Variants in DCDC2B observed in about 807,000 individuals in gnomAD.
DCDC2B encodes doublecortin domain-containing protein 2B.
DCDC2B carries 41 observed loss-of-function variants against 38.9 expected under a neutral mutation model. The observed-to-expected ratio is 1.05, with a 90% confidence interval of 0.82 to 1.37. DCDC2B has a LOEUF of 1.37. Ranked by LOEUF, DCDC2B falls within the 40% of genes most tolerant of loss-of-function variation. DCDC2B has a pLI of 0.00. For missense variants in DCDC2B, 453 were observed against 427.2 expected, an observed-to-expected ratio of 1.06 and a Z score of -0.53; for synonymous variants, 181 against 171.9, an observed-to-expected ratio of 1.05 and a Z score of -0.41.
At chr1:32,211,709 C>G in intron 2 of DCDC2B, 52 bp from the exon 3 acceptor site, 1 of 1,552,724 alleles carries the variant, frequency 6.4e-7, no homozygotes, top group Non-Finnish European at 8.7e-7. Flanking sequence ...TGGGCCCACC[C>G]CTAACCAAAG....
At chr1:32,211,143 T>G in intron 1 of DCDC2B, 129 bp from the exon 2 acceptor site, 12 of 847,502 alleles carry the variant, frequency 1.4e-5, no homozygotes, top group Non-Finnish European at 2.3e-5. Flanking sequence ...GTTTCTGGAC[T>G]GAGATGATTG....
chr1:32,213,500 CTAAT>C (rs1184926456), intron 6 of DCDC2B, among the ~76,000 whole-genome samples: 4 of 146,092 alleles, frequency 2.7e-5, no homozygotes, highest in East Asian at 4.0e-4. Context: ...CCACACCCGG[CTAAT>C]TTTTTTTTTT....
At chr1:32,211,727 C>A (rs534880580) in intron 2 of DCDC2B, 34 bp from the exon 3 acceptor site, 2 of 1,575,762 alleles carry the variant, frequency 1.3e-6, no homozygotes, top group Non-Finnish European at 1.7e-6. Flanking sequence ...AAGGCCCCAA[C>A]TCTCCTGATT....
rs751030874 is a variant in DCDC2B, at chr1:32,209,241, C to G, written c.148C>G (p.Pro50Ala). The stretch of plus-strand genomic sequence containing the variant: ...CGAGGTGACATCAGCTGTGCAGGCC[C>G]CACTGGCTGTGCGTGCCCTCTACAC... ...LCEVTSAVQA[P>A]LAVRALYTPC... The change falls in exon 1 of 9, where the codon CCA (proline) becomes GCA (alanine). Residue 50 changes from proline to alanine, a missense_variant. Pro to Ala is a conservative substitution (Grantham distance 27). Coordinates refer to ENST00000409358, the MANE Select transcript of DCDC2B (RefSeq NM_001099434.2). 1 of 1,613,998 alleles carries G rather than the reference C, an allele frequency of 6.2e-7. No homozygotes were observed. Among genetic ancestry groups the G allele is most frequent in the Middle Eastern group, 1.6e-4 (1 of 6,062 alleles).
chr1:32,212,458 C>T (rs1643626451), intron 4 of DCDC2B, 32 bp from the exon 5 acceptor site: 1 of 1,610,420 alleles, frequency 6.2e-7, no homozygotes, highest in Non-Finnish European at 8.5e-7. Context: ...TCGAGTCTAC[C>T]AGCCCTTATC....
intron 3 of DCDC2B, 66 bp from the exon 4 acceptor site, chr1:32,212,004 G>A (rs1643605362): frequency 1.3e-6 from 2 of 1,578,150 alleles, no homozygotes; most frequent in Non-Finnish European, 1.7e-6. Flanking sequence ...CTGGCCCTGT[G>A]CCACCCTTCC....
chr1:32,214,629 G>T, intron 6 of DCDC2B, 168 bp from the exon 7 acceptor site: 2 of 918,250 alleles, frequency 2.2e-6, no homozygotes, highest in Middle Eastern at 2.5e-4. Context: ...GATAAGTCAG[G>T]CTGGTGGGAA....
In DCDC2B at chr1:32,212,805, A is replaced by C; in HGVS notation, c.714+12A>C. The stretch of plus-strand genomic sequence containing the variant: ...CCCACAGGCAGGGGGTAGGTGACGC[A>C]GGGGACAATGAGGGGTGGGAAGAAG... On this transcript the variant is annotated intron_variant, in intron 6 of 8. Transcript: ENST00000409358. 6.2e-7 allele frequency: 1 copy of C among 1,613,178 alleles called. No homozygotes were observed. The highest frequency in any genetic ancestry group is 1.3e-5 in the African/African-American group (1 of 75,036).
rs1417810734 is a variant in DCDC2B at position 32,215,456 on chromosome 1, T to C, written c.867T>C (p.Tyr289=). ...CCTCTTTAGGAGTTATAGGAGTATA[T>C]GGAGCTCCCCACCGAAGGAAGGAGA... ...LSFPSGVIGV[Y]GAPHRRKETA... Residue 289 remains tyrosine (Y), a synonymous_variant, in exon 8 of 9, where the codon TAT becomes TAC. Transcript: ENST00000409358. The C allele has an allele frequency of 1.9e-6, 3 of 1,612,868 alleles. No homozygotes were observed. The highest frequency in any genetic ancestry group is 1.3e-5 in the African/African-American group (1 of 74,958).
In DCDC2B at chr1:32,215,470, G is replaced by T; in HGVS notation, c.881G>T (p.Arg294Leu). Residue 294 changes from arginine (R) to leucine (L), a missense_variant, in exon 8 of 9, where the codon CGA becomes CTA. Transcript: ENST00000409358. ...ATAGGAGTATATGGAGCTCCCCACCGAAGGAAGGAGACAGCGGGGGCCCTG... is the reference window on the plus strand; with the variant it reads ...ATAGGAGTATATGGAGCTCCCCACCTAAGGAAGGAGACAGCGGGGGCCCTG... ...GVIGVYGAPH[R>L]RKETAGALEV... is the part of the protein sequence containing the mutation. The T allele has an allele frequency of 1.9e-6, 3 of 1,613,438 alleles. No homozygotes were observed. The South Asian group carries it at 3.3e-5, about 18-fold the overall frequency.
rs536325561 is a variant in DCDC2B, at chr1:32,214,382, G to A, written c.715-415G>A. The stretch of plus-strand genomic sequence containing the variant: ...GTGACAGAGTTATTGAGTGGCAGGG[G>A]CCAGACCAGAATTCTCATCTGATTT... On this transcript the variant is annotated intron_variant, in intron 6 of 8. Transcript: ENST00000409358. 3.2e-4 allele frequency: 55 copies of A among 169,434 alleles called. 1 individual carries two copies. The highest frequency in any genetic ancestry group is 1.1e-3 in the Admixed American group (19 of 17,340). 10.5% of individuals were successfully genotyped at this position (169,434 alleles called of 1,614,324 possible).
intron 4 of DCDC2B, 82 bp downstream of exon 4, chr1:32,212,283 G>A (rs1643619129): frequency 1.9e-6 from 3 of 1,580,030 alleles, no homozygotes; most frequent in African/African-American, 2.7e-5. Context: ...GGATGAAGAG[G>A]CAAAAGGAAA....
chr1:32,214,856 G>A lies in DCDC2B; in HGVS notation c.774G>A (p.Lys258=). 6.2e-7 allele frequency: 1 copy of A among 1,613,968 alleles called. No homozygotes were observed. The part of the protein sequence containing the change: ...QPSPKEPDRI[K]PSAFYARPQQ... ...CTCCAAAGGAACCAGACCGAATTAAGCCATCTGCTTTCTATGCCAGACCCC... is the reference window on the plus strand; with the variant it reads ...CTCCAAAGGAACCAGACCGAATTAAACCATCTGCTTTCTATGCCAGACCCC... The change falls in exon 7 of 9, where the codon AAG becomes AAA. Residue 258 remains lysine (K), a synonymous_variant. Transcript: ENST00000409358.
rs1224889527 is a variant in DCDC2B, at chr1:32,209,233, T to C, written c.140T>C (p.Val47Ala). Residue 47 changes from valine to alanine, a missense_variant, in exon 1 of 9, where the codon GTG (valine) becomes GCG (alanine). Transcript: ENST00000409358. ...TTCCTCTGCGAGGTGACATCAGCTG[T>C]GCAGGCCCCACTGGCTGTGCGTGCC... ...EAFLCEVTSA[V>A]QAPLAVRALY... The C allele has an allele frequency of 1.2e-6, 2 of 1,614,024 alleles. No individual in the cohort carries two copies. Among genetic ancestry groups the C allele is most frequent in the East Asian group, 2.2e-5 (1 of 44,888 alleles).
intron 1 of DCDC2B, 41 bp from the exon 2 acceptor site, chr1:32,211,231 C>CAA: frequency 6.3e-7 from 1 of 1,599,068 alleles, no homozygotes; most frequent in Non-Finnish European, 8.6e-7. Flanking sequence ...ATTGAGGCCT[C>CAA]AGTCTCCACA....
chr1:32,212,178 G>A lies in DCDC2B; in HGVS notation c.504G>A (p.Lys168=), dbSNP rs970712107. The A allele has an allele frequency of 1.9e-6, 3 of 1,613,516 alleles. No individual in the cohort carries two copies. The highest frequency in any genetic ancestry group is 3.3e-5 in the Admixed American group (2 of 60,004). ...TVLKLLTEKV[K]LQSGAVCKLC... ...TGAAGCTCCTGACTGAGAAGGTCAA[G>A]TTGCAGAGTGGGGCTGTGTGCAAGT... The change falls in exon 4 of 9, where the codon AAG becomes AAA. Residue 168 remains lysine (K), a synonymous_variant. Coordinates refer to ENST00000409358, the MANE Select transcript of DCDC2B (RefSeq NM_001099434.2).
chr1:32,214,025 G>C (rs1433419843), intron 6 of DCDC2B, among the ~76,000 whole-genome samples: 1 of 151,856 alleles, frequency 6.6e-6, no homozygotes, highest in East Asian at 2.0e-4. Context: ...AAAGTGAAGT[G>C]GGCCTTGGGC....
chr1:32,212,756 A>C lies in DCDC2B; in HGVS notation c.677A>C (p.Gln226Pro), dbSNP rs1358995487. Residue 226 changes from glutamine (Q) to proline (P), a missense_variant and splice_region_variant, in exon 6 of 9, where the codon CAA (glutamine) becomes CCA (proline). Transcript: ENST00000409358. ...AGCCTTTCCTTTTGTCATTGTAGGCAACCTCCAGGCTCGAAGTCTAGGCCC... is the reference window on the plus strand; with the variant it reads ...AGCCTTTCCTTTTGTCATTGTAGGCCACCTCCAGGCTCGAAGTCTAGGCCC... Reference protein sequence around the residue: ...PSPSLPRGCWQPPGSKSRPHR... With the variant: ...PSPSLPRGCWPPPGSKSRPHR... 6.2e-7 allele frequency: 1 copy of C among 1,613,908 alleles called. No individual in the cohort carries two copies. Among genetic ancestry groups the C allele is most frequent in the East Asian group, 2.2e-5 (1 of 44,884 alleles).
At chr1:32,211,494 C>A (rs1643582038) in intron 2 of DCDC2B, among the ~76,000 whole-genome samples, 171 bp downstream of exon 2, 1 of 152,224 alleles carries the variant, frequency 6.6e-6, no homozygotes, top group Non-Finnish European at 1.5e-5. Context: ...GACACTATTT[C>A]TTGCTTCTGT....
Sources: allele counts gnomAD v4.1 joint callset (sites outside exome capture counted in the v4.1 genomes callset), GRCh38; gene constraint gnomAD v4.1.1; transcripts MANE v1.5; gene names NCBI Gene and HGNC (gene_info 2026-07-23, HGNC 2026-07-21).